SPAG6: variants seen among roughly 807,000 people sequenced by gnomAD.
The protein encoded by SPAG6 is sperm associated antigen 6.
In SPAG6, 49 loss-of-function variants were observed where a neutral mutation model predicts 58.5. The ratio of observed to expected loss-of-function variants is 0.84; its 90% CI spans 0.67 to 1.06. The LOEUF (loss-of-function observed/expected upper bound fraction) is 1.06, where lower values mean the gene tolerates loss of function less well. Ranked by LOEUF, SPAG6 falls within the 50% of genes least tolerant of loss-of-function variation. SPAG6 has a pLI of 0.00. For synonymous variants in SPAG6, 233 were observed against 225.6 expected, an observed-to-expected ratio of 1.03 and a Z score of -0.29; for missense variants, 560 against 611.3, an observed-to-expected ratio of 0.92 and a Z score of 0.89.
chr10:22,359,905 A>G (rs1359863613), intron 2 of SPAG6, among the ~76,000 whole-genome samples: 1 of 152,186 alleles, frequency 6.6e-6, no homozygotes, highest in Non-Finnish European at 1.5e-5. Flanking sequence ...TTTTTAAAAG[A>G]ACAAAGTTGC....
chr10:22,389,202 A>T lies in SPAG6; in HGVS notation c.895A>T (p.Ile299Phe). ...TAACGCAGGAGGGGTTGCTGCCGTG[A>T]TTGACTGCATTGGGTCCTGCAAAGG... ...VVNAGGVAAVIDCIGSCKGNT... is the reference protein window; with the variant it reads ...VVNAGGVAAVFDCIGSCKGNT... Residue 299 changes from isoleucine (I) to phenylalanine (F), a missense_variant, in exon 7 of 11, where the codon ATT becomes TTT. Ile to Phe is a conservative substitution (Grantham distance 21). Transcript: ENST00000376624. 1 of 1,613,484 alleles carries T rather than the reference A, an allele frequency of 6.2e-7. No homozygotes were observed. The highest frequency in any genetic ancestry group is 1.3e-5 in the African/African-American group (1 of 74,982).
chr10:22,386,926 C>T lies in SPAG6; in HGVS notation c.645C>T (p.Ala215=), dbSNP rs1485148659. ...ATGCAGGAGCTGTTGCTCATTTAGC[C>T]CAGATGATCCTGAACCCTGATGCTA... The part of the protein sequence containing the change: ...VVDAGAVAHL[A]QMILNPDAKL... Residue 215 remains alanine, a synonymous_variant, in exon 5 of 11, where the codon GCC becomes GCT. Transcript: ENST00000376624. 3.1e-6 allele frequency: 5 copies of T among 1,613,456 alleles called. No individual in the cohort carries two copies. Among genetic ancestry groups the T allele is most frequent in the South Asian group, 2.2e-5 (2 of 91,066 alleles).
intron 4 of SPAG6, among the ~76,000 whole-genome samples, chr10:22,378,074 T>C (rs962719413): frequency 6.8e-6 from 1 of 146,810 alleles, no homozygotes; most frequent in African/African-American, 2.5e-5. Context: ...TTTTTTTTTT[T>C]TCTTTTTGAG....
At chr10:22,348,388 A>G (rs1647829958) in intron 2 of SPAG6, among the ~76,000 whole-genome samples, 1 of 152,226 alleles carries the variant, frequency 6.6e-6, no homozygotes, top group African/African-American at 2.4e-5. Context: ...AATCAATTAT[A>G]CATTATGGTC....
intron 3 of SPAG6, among the ~76,000 whole-genome samples, chr10:22,367,234 T>G (rs1837225259): frequency 6.6e-6 from 1 of 152,050 alleles, no homozygotes; most frequent in African/African-American, 2.4e-5. Flanking sequence ...TGTATCACCA[T>G]TTTTTCCCCA....
rs1409502380 is a variant in SPAG6 at position 22,367,008 on chromosome 10, G to GT, written c.289-1487_289-1486insT. The stretch of plus-strand genomic sequence containing the variant: ...GGTACAAAGTCCTGTGGTTTTGCTG[G>GT]GTTTTTTTTTTTTGGCATTTCTTTT... On this transcript the variant is annotated intron_variant, in intron 3 of 10. Transcript: ENST00000376624. Among the ~76,000 whole-genome samples the GT allele has an allele frequency of 4.8e-3, 712 of 149,882 alleles. 6 individuals carry two copies. Among genetic ancestry groups the GT allele is most frequent in the African/African-American group, 0.017 (691 of 40,700 alleles).
chr10:22,365,974 A>G (rs1307337212), intron 3 of SPAG6, among the ~76,000 whole-genome samples: 2 of 152,224 alleles, frequency 1.3e-5, no homozygotes, highest in Non-Finnish European at 2.9e-5. Flanking sequence ...GTAGGAATGT[A>G]AAATGGGGGA....
chr10:22,401,675 C>T (rs756467896), intron 9 of SPAG6, among the ~76,000 whole-genome samples: 1 of 152,150 alleles, frequency 6.6e-6, no homozygotes, highest in Non-Finnish European at 1.5e-5. Flanking sequence ...AGTCCATGTA[C>T]TTTACTGGAG....
At chr10:22,369,231 C>T (rs1837278876) in intron 4 of SPAG6, among the ~76,000 whole-genome samples, 1 of 152,148 alleles carries the variant, frequency 6.6e-6, no homozygotes, top group East Asian at 1.9e-4. Flanking sequence ...AGAGAAGGAG[C>T]ATGTTCTCCT....
chr10:22,392,912 G>A (rs182720302), intron 8 of SPAG6, among the ~76,000 whole-genome samples: 1 of 152,054 alleles, frequency 6.6e-6, no homozygotes, highest in East Asian at 1.9e-4. Context: ...AGAGAAATTG[G>A]TTTCTAAGAT....
chr10:22,358,756 GT>G (rs894754080), intron 2 of SPAG6, among the ~76,000 whole-genome samples: 1 of 152,124 alleles, frequency 6.6e-6, no homozygotes, highest in African/African-American at 2.4e-5. Flanking sequence ...ATTAATTTTT[GT>G]ATAAGGAGTA....
intron 2 of SPAG6, among the ~76,000 whole-genome samples, chr10:22,351,938 C>T (rs546886283): frequency 1.3e-5 from 2 of 151,978 alleles, no homozygotes; most frequent in Non-Finnish European, 1.5e-5. Context: ...TTTGGGAGGC[C>T]GAGGTGGGTG....
intron 2 of SPAG6, among the ~76,000 whole-genome samples, chr10:22,351,159 T>C (rs1836717129): frequency 6.6e-6 from 1 of 152,210 alleles, no homozygotes. Flanking sequence ...TTTGGAGGTC[T>C]CTTTGAGGAC....
intron 8 of SPAG6, among the ~76,000 whole-genome samples, chr10:22,399,279 C>T (rs981002891): frequency 1.3e-5 from 2 of 152,160 alleles, no homozygotes; most frequent in African/African-American, 4.8e-5. Context: ...AGAAGGAAGC[C>T]TCATGCCCAT....
At chr10:22,416,425 A>G (rs1834866220) in intron 10 of SPAG6, among the ~76,000 whole-genome samples, 194 bp from the exon 11 acceptor site, 1 of 152,166 alleles carries the variant, frequency 6.6e-6, no homozygotes, top group Non-Finnish European at 1.5e-5. Context: ...TCTGTAGCAC[A>G]GTTTTATGAA....
At chr10:22,364,416 A>G (rs1241745083) in intron 2 of SPAG6, among the ~76,000 whole-genome samples, 1 of 152,186 alleles carries the variant, frequency 6.6e-6, no homozygotes, top group East Asian at 1.9e-4. Context: ...ACACTTCCTC[A>G]TCTCCAAGAC....
intron 2 of SPAG6, among the ~76,000 whole-genome samples, chr10:22,346,393 C>T (rs113005965): frequency 0.016 from 2,357 of 151,664 alleles, 56 homozygotes; most frequent in African/African-American, 0.053. Context: ...GGAGAGAGAT[C>T]TTCTTATCTC....
At chr10:22,387,127 A>T (rs997585836) in intron 5 of SPAG6, among the ~76,000 whole-genome samples, 168 bp downstream of exon 5, 13 of 152,220 alleles carry the variant, frequency 8.5e-5, no homozygotes, top group African/African-American at 2.9e-4. Context: ...ATAATACTGT[A>T]AGGATTAGAT....
At chr10:22,394,941 C>A (rs1200818905) in intron 8 of SPAG6, among the ~76,000 whole-genome samples, 1 of 152,030 alleles carries the variant, frequency 6.6e-6, no homozygotes, top group Non-Finnish European at 1.5e-5. Context: ...GAACTCCTGG[C>A]CTCAAGCAGT....
Sources: allele counts gnomAD v4.1 joint callset (sites outside exome capture counted in the v4.1 genomes callset), GRCh38; gene constraint gnomAD v4.1.1; transcripts MANE v1.5; gene names NCBI Gene and HGNC (gene_info 2026-07-23, HGNC 2026-07-21).